Variants in WWOX observed in about 807,000 individuals in gnomAD.
The protein encoded by WWOX is WW domain containing oxidoreductase.
A neutral mutation model predicts 46.2 loss-of-function variants in WWOX; 69 were observed. The observed-to-expected ratio is 1.49, with a 90% CI of 1.23 to 1.82. WWOX has a LOEUF of 1.82. Ranked by LOEUF, WWOX falls within the 40% of genes most tolerant of loss-of-function variation. The pLI is 0.00. For missense variants in WWOX, 919 were observed against 542.6 expected (o/e 1.69, Z -6.89); for synonymous variants, 359 against 202.6 (o/e 1.77, Z -6.56).
At chr16:78,434,561 T>G (rs2083294905) in intron 8 of WWOX, among the ~76,000 whole-genome samples, 1 of 152,190 alleles carries the variant, frequency 6.6e-6, no homozygotes, top group Non-Finnish European at 1.5e-5. Context: ...GCTGGCCCAG[T>G]GCCTTCCGCT....
chr16:78,195,632 A>G, intron 5 of WWOX, among the ~76,000 whole-genome samples: 1 of 151,950 alleles, frequency 6.6e-6, no homozygotes, highest in East Asian at 1.9e-4. Flanking sequence ...GACCAGCCTG[A>G]GCAACATGAC....
At chr16:78,334,874 C>G (rs1452269549) in intron 5 of WWOX, among the ~76,000 whole-genome samples, 1 of 140,434 alleles carries the variant, frequency 7.1e-6, no homozygotes, top group Non-Finnish European at 1.5e-5. Context: ...CAAATCACAC[C>G]TGAACAAGAG....
At chr16:78,920,535 A>G (rs1328925717) in intron 8 of WWOX, among the ~76,000 whole-genome samples, 2 of 152,130 alleles carry the variant, frequency 1.3e-5, no homozygotes, top group Non-Finnish European at 2.9e-5. Flanking sequence ...TCACGTAGAA[A>G]GCAGTTATTG....
intron 8 of WWOX, among the ~76,000 whole-genome samples, chr16:78,756,027 A>C (rs1277725969): frequency 6.6e-6 from 1 of 152,176 alleles, no homozygotes; most frequent in Non-Finnish European, 1.5e-5. Flanking sequence ...ACAAGGCCTC[A>C]TGTATGAACT....
At chr16:78,946,520 G>T (rs1317133035) in intron 8 of WWOX, among the ~76,000 whole-genome samples, 1 of 152,050 alleles carries the variant, frequency 6.6e-6, no homozygotes, top group Non-Finnish European at 1.5e-5. Flanking sequence ...TAGTCAAGAA[G>T]TTTCTAGATG....
chr16:78,370,991 T>C (rs1406445396), intron 5 of WWOX, among the ~76,000 whole-genome samples: 1 of 151,188 alleles, frequency 6.6e-6, no homozygotes, highest in African/African-American at 2.4e-5. Flanking sequence ...TTTTTTTTTT[T>C]TTTTTACTTG....
chr16:78,937,792 CTT>C (rs539739418), intron 8 of WWOX, among the ~76,000 whole-genome samples: 2 of 151,604 alleles, frequency 1.3e-5, no homozygotes, highest in South Asian at 2.1e-4. Context: ...GCCTGGCTAA[CTT>C]TTGTTTCTTT....
chr16:78,801,057 C>T (rs867529348), intron 8 of WWOX, among the ~76,000 whole-genome samples: 1 of 145,822 alleles, frequency 6.9e-6, no homozygotes, highest in Non-Finnish European at 1.5e-5. Flanking sequence ...CTCTCTACCT[C>T]TTTTTTTTTT....
At chr16:78,943,362 T>C (rs1334819067) in intron 8 of WWOX, among the ~76,000 whole-genome samples, 1 of 152,138 alleles carries the variant, frequency 6.6e-6, no homozygotes, top group East Asian at 1.9e-4. Flanking sequence ...TACACTCTTA[T>C]TCACTAACTG....
At chr16:79,064,670 G>C (rs997022483) in intron 8 of WWOX, among the ~76,000 whole-genome samples, 1 of 152,202 alleles carries the variant, frequency 6.6e-6, no homozygotes, top group Non-Finnish European at 1.5e-5. Flanking sequence ...TTCCTGCAAG[G>C]ATTAAATGAG....
intron 3 of WWOX, among the ~76,000 whole-genome samples, chr16:78,111,562 C>T (rs113867155): frequency 0.025 from 3,834 of 152,156 alleles, 178 homozygotes; most frequent in African/African-American, 0.088. Context: ...TAGCAGACCG[C>T]GAAAGGGAGT....
intron 8 of WWOX, among the ~76,000 whole-genome samples, chr16:78,618,383 G>A (rs2046082829): frequency 6.6e-6 from 1 of 152,170 alleles, no homozygotes; most frequent in African/African-American, 2.4e-5. Context: ...TGTCAGCAGG[G>A]TTGGTTTCTC....
chr16:78,729,066 G>C (rs987232955), intron 8 of WWOX, among the ~76,000 whole-genome samples: 5 of 152,162 alleles, frequency 3.3e-5, no homozygotes, highest in African/African-American at 1.2e-4. Context: ...CATCCTGCTG[G>C]TTTCAGTGGC....
chr16:78,473,228 C>T (rs141379252), intron 8 of WWOX, among the ~76,000 whole-genome samples: 2 of 152,140 alleles, frequency 1.3e-5, no homozygotes, highest in Admixed American at 6.5e-5. Flanking sequence ...CTCCCACGTT[C>T]AAGCGATTGT....
intron 5 of WWOX, among the ~76,000 whole-genome samples, chr16:78,288,591 A>G (rs138510296): frequency 1.4e-3 from 206 of 152,266 alleles, no homozygotes; most frequent in African/African-American, 4.8e-3. Flanking sequence ...CACCAGGACA[A>G]TTTTATACCA....
At chr16:78,169,385 C>T (rs2151741019) in intron 5 of WWOX, among the ~76,000 whole-genome samples, 2 of 151,930 alleles carry the variant, frequency 1.3e-5, no homozygotes, top group East Asian at 3.9e-4. Context: ...CTTTCCTTTA[C>T]CCAGTATCTA....
At chr16:79,121,988 C>T (rs953820682) in intron 8 of WWOX, among the ~76,000 whole-genome samples, 2 of 152,242 alleles carry the variant, frequency 1.3e-5, no homozygotes, top group South Asian at 4.1e-4. Context: ...GCGTCAGGCT[C>T]CTCTAGGTAC....
chr16:78,900,763 T>C (rs1344277868), intron 8 of WWOX, among the ~76,000 whole-genome samples: 2 of 152,010 alleles, frequency 1.3e-5, no homozygotes, highest in Non-Finnish European at 2.9e-5. Flanking sequence ...AGAATATTCA[T>C]AGTGGTCATG....
intron 4 of WWOX, among the ~76,000 whole-genome samples, chr16:78,144,523 A>ATTTT (rs138841166): frequency 5.4e-5 from 1 of 18,634 alleles, no homozygotes; most frequent in African/African-American, 2.7e-4. Flanking sequence ...ATATATATAT[A>ATTTT]TTTTTTTTTT....
Sources: allele counts gnomAD v4.1 joint callset (sites outside exome capture counted in the v4.1 genomes callset), GRCh38; gene constraint gnomAD v4.1.1; transcripts MANE v1.5; gene names NCBI Gene and HGNC (gene_info 2026-07-23, HGNC 2026-07-21).